Variants in PEX5L observed in about 807,000 individuals in gnomAD.
PEX5L encodes PEX5-related protein.
In PEX5L, 30 loss-of-function variants were observed where a neutral mutation model predicts 84.0. The ratio of observed to expected loss-of-function variants is 0.36; its 90% confidence interval spans 0.27 to 0.48. The LOEUF is 0.48. Among genes scored for constraint, PEX5L ranks in the 20% least tolerant of loss-of-function variants. The probability of loss-of-function intolerance (pLI) is 0.99; values close to 1 mark genes in which losing one functional copy is unlikely to be tolerated. For missense variants in PEX5L, 533 were observed against 754.6 expected, an observed-to-expected ratio of 0.71 and a Z score of 3.44; for synonymous variants, 270 against 283.1, an observed-to-expected ratio of 0.95 and a Z score of 0.46.
At chr3:179,830,192 A>T (rs977118766) in intron 8 of PEX5L, among the ~76,000 whole-genome samples, 1 of 152,008 alleles carries the variant, frequency 6.6e-6, no homozygotes, top group Admixed American at 6.6e-5. Context: ...GAGGGGGGAA[A>T]AAACCTGTTT....
chr3:179,802,776 G>A (rs1719566110), intron 14 of PEX5L, among the ~76,000 whole-genome samples: 1 of 151,836 alleles, frequency 6.6e-6, no homozygotes, highest in Admixed American at 6.6e-5. Flanking sequence ...ATTAGTGCTA[G>A]ATGTATGGAA....
At chr3:179,951,855 C>T (rs62290481) in intron 2 of PEX5L, among the ~76,000 whole-genome samples, 20,254 of 152,082 alleles carry the variant, frequency 0.13, 1,717 homozygotes, top group Non-Finnish European at 0.19. Context: ...GAGGTGATGA[C>T]GATGAAATGA....
chr3:179,808,853 G>A (rs1455440546), intron 12 of PEX5L, among the ~76,000 whole-genome samples: 2 of 151,864 alleles, frequency 1.3e-5, no homozygotes, highest in East Asian at 1.9e-4. Context: ...CGAGGCGGGC[G>A]GATCACGAGG....
At chr3:179,923,101 A>G (rs1212399614) in intron 2 of PEX5L, among the ~76,000 whole-genome samples, 1 of 151,518 alleles carries the variant, frequency 6.6e-6, no homozygotes, top group Non-Finnish European at 1.5e-5. Context: ...CATCCTGGCT[A>G]ACACGGTGAA....
intron 2 of PEX5L, among the ~76,000 whole-genome samples, chr3:179,904,656 TATTAC>T (rs946607868): frequency 1.3e-5 from 2 of 152,216 alleles, no homozygotes. Context: ...CTGTACTTAT[TATTAC>T]ATATTAATTG....
intron 2 of PEX5L, among the ~76,000 whole-genome samples, chr3:179,899,297 A>G (rs1197250739): frequency 1.3e-5 from 2 of 152,156 alleles, no homozygotes; most frequent in East Asian, 3.8e-4. Flanking sequence ...CAATTTTCTC[A>G]GGTCTCTGGG....
intron 1 of PEX5L, among the ~76,000 whole-genome samples, chr3:180,024,054 A>T (rs1790676221): frequency 6.6e-6 from 1 of 152,150 alleles, no homozygotes. Flanking sequence ...GAAAAAACAC[A>T]GTCTTTGTAT....
chr3:180,004,750 C>T (rs916776048), intron 1 of PEX5L, among the ~76,000 whole-genome samples: 1 of 151,704 alleles, frequency 6.6e-6, no homozygotes, highest in African/African-American at 2.4e-5. Flanking sequence ...CCAAAAGCAG[C>T]CCCATGGGAC....
At chr3:179,903,608 A>G (rs1762163938) in intron 2 of PEX5L, among the ~76,000 whole-genome samples, 1 of 152,182 alleles carries the variant, frequency 6.6e-6, no homozygotes, top group Non-Finnish European at 1.5e-5. Flanking sequence ...CCAAAAGGCT[A>G]ATTTTTGATG....
intron 3 of PEX5L, among the ~76,000 whole-genome samples, chr3:179,892,566 T>C (rs1488446203): frequency 6.6e-6 from 1 of 152,152 alleles, no homozygotes; most frequent in Non-Finnish European, 1.5e-5. Flanking sequence ...AAAAGAATTA[T>C]TGCATGGGTG....
At chr3:179,818,790 C>CT (rs1283191360) in intron 9 of PEX5L, among the ~76,000 whole-genome samples, 1 of 151,628 alleles carries the variant, frequency 6.6e-6, no homozygotes, top group African/African-American at 2.4e-5. Flanking sequence ...GGATGCCATT[C>CT]TTTTTTATGG....
rs557470427 is a variant in PEX5L at position 179,883,926 on chromosome 3, T to C, written c.310+3747A>G. Among the ~76,000 whole-genome samples, 48 of 152,206 alleles carry C rather than the reference T, an allele frequency of 3.2e-4. 1 individual carries two copies. Among genetic ancestry groups the C allele is most frequent in the Non-Finnish European group, 6.0e-4 (41 of 68,026 alleles). On this transcript the variant is annotated intron_variant, in intron 4 of 14. Coordinates refer to ENST00000467460, the MANE Select transcript of PEX5L (RefSeq NM_016559.3). ...GATGCAAATAAATATTTATCGCTAC[T>C]AGAAGATTCTACTGAAAGCATTCAT...
At chr3:179,962,725 A>T (rs1036138473) in intron 2 of PEX5L, among the ~76,000 whole-genome samples, 1 of 152,206 alleles carries the variant, frequency 6.6e-6, no homozygotes, top group Admixed American at 6.5e-5. Context: ...CTTCCACAAT[A>T]AAAGGCTGAA....
chr3:179,962,191 C>T (rs1434310971), intron 2 of PEX5L, among the ~76,000 whole-genome samples: 1 of 152,148 alleles, frequency 6.6e-6, no homozygotes. Flanking sequence ...ACTTGAAATA[C>T]ACACTTTTCT....
chr3:180,022,684 A>C (rs1459394296), intron 1 of PEX5L, among the ~76,000 whole-genome samples: 2 of 152,154 alleles, frequency 1.3e-5, no homozygotes, highest in African/African-American at 4.8e-5. Flanking sequence ...AATATTGAGG[A>C]TCTTGAAAAG....
chr3:179,848,551 CAAA>C (rs377561010), intron 8 of PEX5L, among the ~76,000 whole-genome samples: 6 of 95,784 alleles, frequency 6.3e-5, no homozygotes, highest in Non-Finnish European at 8.8e-5. Flanking sequence ...AAACCTCTCT[CAAA>C]AAAAAAAAAA....
intron 8 of PEX5L, among the ~76,000 whole-genome samples, chr3:179,855,243 C>T (rs113139622): frequency 1.8e-4 from 27 of 152,182 alleles, no homozygotes; most frequent in East Asian, 5.8e-4. Flanking sequence ...ATAGGAAGAA[C>T]GTTGGAATCA....
chr3:179,846,924 G>A lies in PEX5L; in HGVS notation c.822+12138C>T, dbSNP rs370193761. Reference sequence around the variant, plus strand: ...CAGAGTCTCCAGTATGCAAATGGAAGATCTAGAGACATCTCAGCCTCCACA... The same window carrying A: ...CAGAGTCTCCAGTATGCAAATGGAAAATCTAGAGACATCTCAGCCTCCACA... On this transcript the variant is annotated intron_variant, in intron 8 of 14. Coordinates refer to ENST00000467460, the MANE Select transcript of PEX5L (RefSeq NM_016559.3). Among the ~76,000 whole-genome samples, 5 of 152,180 alleles carry A rather than the reference G, an allele frequency of 3.3e-5. No homozygotes were observed. In the East Asian group the frequency reaches 9.7e-4, roughly 29 times the overall value.
At chr3:179,942,836 T>C (rs1351520509) in intron 2 of PEX5L, among the ~76,000 whole-genome samples, 1 of 152,188 alleles carries the variant, frequency 6.6e-6, no homozygotes, top group Non-Finnish European at 1.5e-5. Flanking sequence ...TCTTCCTCTC[T>C]CCATTTTGTC....
Sources: gnomAD v4.1 joint callset for allele counts (sites outside exome capture counted in the v4.1 genomes callset) on GRCh38, gnomAD v4.1.1 for gene constraint, MANE v1.5 for transcripts, NCBI Gene and HGNC (gene_info 2026-07-23, HGNC 2026-07-21) for gene names.